The following VTI1A variants were observed in gnomAD, a reference collection of about 807,000 sequenced individuals.
VTI1A encodes vesicle transport through interaction with t-SNAREs 1A.
In VTI1A, 22 loss-of-function variants were observed where a neutral mutation model predicts 34.9. The observed-to-expected ratio is 0.63, with a 90% CI of 0.45 to 0.90. The LOEUF is 0.90. Among genes scored for constraint, VTI1A ranks in the 40% least tolerant of loss-of-function variants. The pLI, the probability that VTI1A is intolerant of heterozygous loss-of-function variation, is 0.00. For missense variants in VTI1A, 268 were observed against 275.6 expected (o/e 0.97, Z 0.20); for synonymous variants, 87 against 97.3 (o/e 0.89, Z 0.62).
intron 5 of VTI1A, among the ~76,000 whole-genome samples, chr10:112,540,519 T>A (rs568069706): frequency 1.3e-5 from 2 of 152,228 alleles, no homozygotes; most frequent in Non-Finnish European, 2.9e-5. Flanking sequence ...GCTCAGCCTG[T>A]ACATGGACGG....
At chr10:112,806,587 T>A (rs1234266085) in intron 7 of VTI1A, among the ~76,000 whole-genome samples, 1 of 150,766 alleles carries the variant, frequency 6.6e-6, no homozygotes, top group South Asian at 2.1e-4. Context: ...TGCCCAGCCT[T>A]ATTTTTTTTT....
chr10:112,743,460 G>A (rs974058657), intron 7 of VTI1A, among the ~76,000 whole-genome samples: 5 of 152,162 alleles, frequency 3.3e-5, no homozygotes, highest in African/African-American at 4.8e-5. Context: ...GGTAAGGACC[G>A]GGCTAGTCCC....
At chr10:112,593,839 C>A (rs1330667904) in intron 5 of VTI1A, among the ~76,000 whole-genome samples, 1 of 152,138 alleles carries the variant, frequency 6.6e-6, no homozygotes, top group African/African-American at 2.4e-5. Context: ...CGGGCTCACG[C>A]CATTCTCCTG....
chr10:112,594,911 T>C (rs1286646524), intron 5 of VTI1A, among the ~76,000 whole-genome samples: 1 of 150,994 alleles, frequency 6.6e-6, no homozygotes, highest in Non-Finnish European at 1.5e-5. Flanking sequence ...CTTCAAACTA[T>C]ACTACAAGGC....
At chr10:112,601,045 T>A (rs546481878) in intron 5 of VTI1A, among the ~76,000 whole-genome samples, 1 of 152,288 alleles carries the variant, frequency 6.6e-6, no homozygotes, top group South Asian at 2.1e-4. Flanking sequence ...TCTGTAATCA[T>A]GTTGCAAGGA....
Position 112,818,466 on chromosome 10 carries a change from C to T in VTI1A, c.*3083C>T, listed in dbSNP as rs1367150660. The stretch of plus-strand genomic sequence containing the variant: ...CCTCTCTTTCTCCTTTTTTTTTGCA[C>T]ATCTTTTCTTTAAAACTGTCAGATC... On this transcript the variant is annotated 3_prime_UTR_variant, in exon 8 of 8. Coordinates refer to ENST00000393077, the MANE Select transcript of VTI1A (RefSeq NM_145206.4). 15 of 229,562 alleles carry T rather than the reference C, an allele frequency of 6.5e-5. No individual in the cohort carries two copies. Among genetic ancestry groups the T allele is most frequent in the Non-Finnish European group, 1.2e-4 (14 of 115,842 alleles). 14.2% of individuals were successfully genotyped at this position (229,562 alleles called of 1,614,324 possible). A position where few individuals can be genotyped will look rare whatever the true frequency, so the allele number is the denominator to read the frequency against.
At chr10:112,611,182 T>A (rs12260096) in intron 5 of VTI1A, among the ~76,000 whole-genome samples, 9,132 of 152,294 alleles carry the variant, frequency 0.06, 306 homozygotes, top group Middle Eastern at 0.13. Flanking sequence ...TAGAGTAATG[T>A]TACTTGCTGT....
intron 3 of VTI1A, among the ~76,000 whole-genome samples, chr10:112,473,546 T>C (rs553344229): frequency 1.3e-5 from 2 of 152,230 alleles, no homozygotes; most frequent in Non-Finnish European, 2.9e-5. Context: ...TATTTCCATT[T>C]ACCTCCTCTA....
chr10:112,506,015 A>G (rs1288319515), intron 3 of VTI1A, among the ~76,000 whole-genome samples: 1 of 152,184 alleles, frequency 6.6e-6, no homozygotes, highest in African/African-American at 2.4e-5. Context: ...AAAATTAATA[A>G]TAGGTATGTA....
intron 3 of VTI1A, among the ~76,000 whole-genome samples, chr10:112,490,291 G>T (rs1440323203): frequency 5.3e-5 from 8 of 152,140 alleles, no homozygotes; most frequent in Admixed American, 1.3e-4. Context: ...CAACCTGTCG[G>T]TGATTAAATA....
intron 4 of VTI1A, among the ~76,000 whole-genome samples, chr10:112,529,525 G>A (rs1413208994): frequency 6.6e-6 from 1 of 152,078 alleles, no homozygotes; most frequent in African/African-American, 2.4e-5. Context: ...CAGTAGCTAG[G>A]AAGAGTTTTT....
At position 112,532,905 on chromosome 10, in the gene VTI1A, A is replaced by G. The variant is rs190254441; in HGVS notation, c.343-5341A>G. On this transcript the variant is annotated intron_variant, in intron 4 of 7. Transcript: ENST00000393077. ...ATACACAGAAGTTCATATGATCGTG[A>G]ATTTTTGATACTATGATCTAAATAA... Among the ~76,000 whole-genome samples the G allele has an allele frequency of 3.9e-5, 6 of 152,250 alleles. No homozygotes were observed. The East Asian group carries it at 7.7e-4, about 20-fold the overall frequency.
At chr10:112,499,749 T>C (rs1303228610) in intron 3 of VTI1A, among the ~76,000 whole-genome samples, 2 of 152,246 alleles carry the variant, frequency 1.3e-5, no homozygotes, top group Non-Finnish European at 2.9e-5. Flanking sequence ...CAGTTACCCA[T>C]ATGAGAAACC....
intron 7 of VTI1A, among the ~76,000 whole-genome samples, chr10:112,810,236 C>G (rs1853236147): frequency 6.6e-6 from 1 of 151,854 alleles, no homozygotes. Flanking sequence ...AACCCCATCT[C>G]TACTAAAAAT....
chr10:112,480,294 A>G (rs914441067), intron 3 of VTI1A, among the ~76,000 whole-genome samples: 8 of 152,258 alleles, frequency 5.3e-5, no homozygotes, highest in Admixed American at 2.6e-4. Context: ...AGTCACTTCA[A>G]TAAAGTCAGT....
At chr10:112,798,976 A>C (rs770853803) in intron 7 of VTI1A, among the ~76,000 whole-genome samples, 9 of 152,214 alleles carry the variant, frequency 5.9e-5, no homozygotes, top group Non-Finnish European at 1.2e-4. Context: ...TGTGTGGTCC[A>C]GCCCTGATCT....
intron 7 of VTI1A, among the ~76,000 whole-genome samples, chr10:112,731,290 A>G (rs1850247498): frequency 6.6e-6 from 1 of 152,112 alleles, no homozygotes; most frequent in Non-Finnish European, 1.5e-5. Context: ...TAAACTCCAT[A>G]AGGCCAGGCC....
At chr10:112,512,985 C>G (rs980803649) in intron 3 of VTI1A, among the ~76,000 whole-genome samples, 2 of 151,956 alleles carry the variant, frequency 1.3e-5, no homozygotes, top group Non-Finnish European at 2.9e-5. Context: ...GCCTCTAGCT[C>G]TGTTCATTTT....
intron 4 of VTI1A, among the ~76,000 whole-genome samples, chr10:112,535,449 C>T (rs1183216687): frequency 2.0e-5 from 3 of 152,140 alleles, no homozygotes; most frequent in African/African-American, 7.2e-5. Flanking sequence ...AAGCACTCAG[C>T]TGCTCCAAAA....
Sources: allele counts gnomAD v4.1 joint callset (sites outside exome capture counted in the v4.1 genomes callset), GRCh38; gene constraint gnomAD v4.1.1; transcripts MANE v1.5; gene names NCBI Gene and HGNC (gene_info 2026-07-23, HGNC 2026-07-21).